Variants in UVRAG observed in about 807,000 individuals in gnomAD.
UVRAG encodes UV radiation resistance-associated gene protein.
Under a neutral mutation model 78.0 loss-of-function variants are expected in UVRAG, and 19 were observed. The observed-to-expected ratio is 0.24, with a 90% CI of 0.17 to 0.36. The LOEUF (loss-of-function observed/expected upper bound fraction) is 0.36. Among genes scored for constraint, UVRAG ranks in the 10% least tolerant of loss-of-function variants. UVRAG has a pLI of 1.00. For synonymous variants in UVRAG, 323 were observed against 324.6 expected, an observed-to-expected ratio of 1.00 and a Z score of 0.05; for missense variants, 740 against 853.8, an observed-to-expected ratio of 0.87 and a Z score of 1.66.
intron 7 of UVRAG, among the ~76,000 whole-genome samples, chr11:75,967,208 A>G (rs1177120121): frequency 6.6e-6 from 1 of 152,170 alleles, no homozygotes; most frequent in Non-Finnish European, 1.5e-5. Context: ...TATATCTTCT[A>G]TGAGAGGACC....
intron 12 of UVRAG, among the ~76,000 whole-genome samples, chr11:76,025,515 A>G (rs1242534456): frequency 6.6e-6 from 1 of 152,116 alleles, no homozygotes; most frequent in African/African-American, 2.4e-5. Context: ...GCCTGCTCAC[A>G]ACAATACTTT....
At chr11:75,826,106 G>A (rs1945504133) in intron 1 of UVRAG, among the ~76,000 whole-genome samples, 1 of 151,796 alleles carries the variant, frequency 6.6e-6, no homozygotes, top group African/African-American at 2.4e-5. Flanking sequence ...CAAAGTGCTG[G>A]GATTACAGGC....
intron 14 of UVRAG, among the ~76,000 whole-genome samples, chr11:76,116,658 C>A (rs552243558): frequency 6.6e-6 from 1 of 152,256 alleles, no homozygotes; most frequent in Admixed American, 6.5e-5. Flanking sequence ...TTGGCTGTAT[C>A]CATTTAGTAA....
intron 13 of UVRAG, among the ~76,000 whole-genome samples, chr11:76,115,394 G>C (rs1396958990): frequency 6.6e-6 from 1 of 152,178 alleles, no homozygotes; most frequent in East Asian, 1.9e-4. Context: ...CAATGTATTT[G>C]TTTAATAAGC....
chr11:76,046,373 A>T (rs1950756391), intron 12 of UVRAG, among the ~76,000 whole-genome samples: 1 of 152,204 alleles, frequency 6.6e-6, no homozygotes. Flanking sequence ...GAAGGCACCA[A>T]GAAAGAGTGA....
intron 12 of UVRAG, among the ~76,000 whole-genome samples, chr11:76,052,190 A>G: frequency 6.6e-6 from 1 of 152,228 alleles, no homozygotes; most frequent in Non-Finnish European, 1.5e-5. Flanking sequence ...CCAGCCTTAT[A>G]TCCCTACCAC....
chr11:75,901,996 G>C (rs1272099390), intron 5 of UVRAG, among the ~76,000 whole-genome samples: 2 of 152,130 alleles, frequency 1.3e-5, no homozygotes, highest in Admixed American at 1.3e-4. Flanking sequence ...TTGCCCGTTT[G>C]CTTACCTCTC....
At chr11:76,092,148 C>A (rs906771983) in intron 13 of UVRAG, among the ~76,000 whole-genome samples, 1 of 152,134 alleles carries the variant, frequency 6.6e-6, no homozygotes, top group African/African-American at 2.4e-5. Flanking sequence ...TCATCCATGT[C>A]CCTACAAAGG....
chr11:75,922,911 C>T (rs546914250), intron 6 of UVRAG, among the ~76,000 whole-genome samples: 10 of 139,700 alleles, frequency 7.2e-5, no homozygotes, highest in South Asian at 4.4e-4. Flanking sequence ...CCAGTCTGGG[C>T]GACAAGAGCG....
chr11:76,105,730 A>G (rs755459264), intron 13 of UVRAG, among the ~76,000 whole-genome samples: 4 of 152,254 alleles, frequency 2.6e-5, no homozygotes, highest in Admixed American at 6.5e-5. Flanking sequence ...CCTGAGTGAT[A>G]GAATGACACC....
chr11:75,903,244 GGTTT>G (rs1947547961), intron 5 of UVRAG, among the ~76,000 whole-genome samples: 1 of 152,078 alleles, frequency 6.6e-6, no homozygotes, highest in Admixed American at 6.6e-5. Context: ...CAATTTATGA[GGTTT>G]GTTAATACCA....
At chr11:76,036,209 TGAGTA>T (rs1950531299) in intron 12 of UVRAG, among the ~76,000 whole-genome samples, 1 of 152,070 alleles carries the variant, frequency 6.6e-6, no homozygotes, top group Admixed American at 6.5e-5. Context: ...AAAGGAACAG[TGAGTA>T]GTGTTTATCC....
intron 1 of UVRAG, among the ~76,000 whole-genome samples, chr11:75,842,571 A>G (rs1945941162): frequency 2.0e-5 from 3 of 151,256 alleles, no homozygotes; most frequent in African/African-American, 4.9e-5. Flanking sequence ...CCTCCCGAGT[A>G]CTTGGGATTA....
intron 6 of UVRAG, among the ~76,000 whole-genome samples, chr11:75,928,453 G>C (rs542350592): frequency 1.4e-4 from 22 of 152,254 alleles, no homozygotes; most frequent in African/African-American, 4.8e-4. Context: ...ATATTTCTAA[G>C]AGAGTGATTA....
intron 1 of UVRAG, among the ~76,000 whole-genome samples, chr11:75,821,138 C>G (rs781700131): frequency 6.6e-6 from 1 of 152,152 alleles, no homozygotes; most frequent in Non-Finnish European, 1.5e-5. Context: ...CTATGAACTT[C>G]ACTATTCTGG....
At chr11:75,825,147 C>T (rs1384400525) in intron 1 of UVRAG, among the ~76,000 whole-genome samples, 6 of 149,988 alleles carry the variant, frequency 4.0e-5, no homozygotes, top group African/African-American at 4.9e-5. Context: ...ACCCTGTTGT[C>T]GCCCAGAATG....
intron 6 of UVRAG, among the ~76,000 whole-genome samples, chr11:75,941,410 C>T (rs1948481133): frequency 6.6e-6 from 1 of 152,104 alleles, no homozygotes; most frequent in South Asian, 2.1e-4. Context: ...TTACTCATTA[C>T]TACAGGTTGA....
At chr11:76,096,956 C>G (rs986270328) in intron 13 of UVRAG, among the ~76,000 whole-genome samples, 1 of 152,106 alleles carries the variant, frequency 6.6e-6, no homozygotes, top group Non-Finnish European at 1.5e-5. Context: ...AGCTTGTTAG[C>G]CCCTTGCAAA....
intron 12 of UVRAG, among the ~76,000 whole-genome samples, chr11:76,031,769 G>GTCCCACATTCAATAC (rs1394282776): frequency 1.3e-5 from 2 of 152,142 alleles, no homozygotes; most frequent in Admixed American, 1.3e-4. Flanking sequence ...AGTGGGGTAT[G>GTCCCACATTCAATAC]TCCCACATTC....
Sources: gnomAD v4.1 joint callset for allele counts (sites outside exome capture counted in the v4.1 genomes callset) on GRCh38, gnomAD v4.1.1 for gene constraint, MANE v1.5 for transcripts, NCBI Gene and HGNC (gene_info 2026-07-23, HGNC 2026-07-21) for gene names.